Variants in TMEM132D observed in about 807,000 individuals in gnomAD.
TMEM132D encodes the protein mature OL transmembrane protein.
A neutral mutation model predicts 62.3 loss-of-function variants in TMEM132D; 21 were observed. The observed-to-expected ratio is 0.34, with a 90% CI of 0.24 to 0.49. The LOEUF is 0.49. TMEM132D is among the 20% of genes least tolerant of loss of function. The pLI, the probability that TMEM132D is intolerant of heterozygous loss-of-function variation, is 0.99. For synonymous variants in TMEM132D, 621 were observed against 575.6 expected (o/e 1.08, Z -1.13); for missense variants, 1,346 against 1,402.8 (o/e 0.96, Z 0.65).
At chr12:129,897,401 A>C (rs1198728289) in intron 1 of TMEM132D, among the ~76,000 whole-genome samples, 1 of 151,984 alleles carries the variant, frequency 6.6e-6, no homozygotes, top group Non-Finnish European at 1.5e-5. Context: ...TGTCACCTAC[A>C]CTTTTGGTCC....
chr12:129,546,327 C>T (rs1001146163), intron 2 of TMEM132D, among the ~76,000 whole-genome samples: 1 of 152,074 alleles, frequency 6.6e-6, no homozygotes, highest in African/African-American at 2.4e-5. Flanking sequence ...TTCCTGAAAC[C>T]CTGTTGCTAA....
chr12:129,587,488 A>G (rs1484003), intron 2 of TMEM132D, among the ~76,000 whole-genome samples: 30,819 of 151,988 alleles, frequency 0.2, 3,312 homozygotes, highest in African/African-American at 0.25. Flanking sequence ...ACAAACCCCC[A>G]TGACACGAGT....
intron 2 of TMEM132D, among the ~76,000 whole-genome samples, chr12:129,672,984 G>T (rs920310064): frequency 6.6e-6 from 1 of 152,178 alleles, no homozygotes; most frequent in Admixed American, 6.5e-5. Flanking sequence ...CTGACCTCAG[G>T]TGATCTGCCC....
At chr12:129,526,815 A>C (rs1876058451) in intron 3 of TMEM132D, among the ~76,000 whole-genome samples, 1 of 152,214 alleles carries the variant, frequency 6.6e-6, no homozygotes, top group Admixed American at 6.5e-5. Context: ...ATGCTGATGC[A>C]ATGACAGACA....
intron 2 of TMEM132D, among the ~76,000 whole-genome samples, chr12:129,540,767 G>A (rs1876562922): frequency 1.3e-5 from 2 of 152,188 alleles, no homozygotes; most frequent in African/African-American, 2.4e-5. Context: ...CGAGATTACA[G>A]GTGTGAGCCA....
At chr12:129,448,884 C>A (rs1873184939) in intron 3 of TMEM132D, among the ~76,000 whole-genome samples, 1 of 152,148 alleles carries the variant, frequency 6.6e-6, no homozygotes, top group South Asian at 2.1e-4. Flanking sequence ...TACTAGTTGT[C>A]CCAATGCCAG....
intron 5 of TMEM132D, among the ~76,000 whole-genome samples, chr12:129,141,057 A>G (rs1321792804): frequency 6.6e-6 from 1 of 152,204 alleles, no homozygotes; most frequent in Non-Finnish European, 1.5e-5. Context: ...TGCACACACT[A>G]TAGATGATCC....
chr12:129,165,679 TC>T (rs1751095808), intron 5 of TMEM132D, among the ~76,000 whole-genome samples: 1 of 107,372 alleles, frequency 9.3e-6, no homozygotes, highest in African/African-American at 2.7e-5. Flanking sequence ...AAACATTTCT[TC>T]TTTTTTTTTT....
intron 5 of TMEM132D, among the ~76,000 whole-genome samples, chr12:129,087,854 C>T (rs1484820553): frequency 4.0e-5 from 6 of 149,388 alleles, no homozygotes; most frequent in Non-Finnish European, 7.4e-5. Flanking sequence ...CGCAGAGCCC[C>T]GGGGTGTCCT....
intron 2 of TMEM132D, 93 bp downstream of exon 2, chr12:129,699,717 T>C: frequency 1.3e-6 from 2 of 1,489,928 alleles, no homozygotes; most frequent in South Asian, 2.6e-5. Flanking sequence ...TCTACTTCGG[T>C]GAGCGATAAC....
chr12:129,625,556 T>A (rs1186893126), intron 2 of TMEM132D, among the ~76,000 whole-genome samples: 1 of 152,206 alleles, frequency 6.6e-6, no homozygotes, highest in Non-Finnish European at 1.5e-5. Flanking sequence ...CGAGACACTT[T>A]CATTGCTCTA....
chr12:129,669,781 C>T (rs1173296314), intron 2 of TMEM132D, among the ~76,000 whole-genome samples: 1 of 152,042 alleles, frequency 6.6e-6, no homozygotes, highest in African/African-American at 2.4e-5. Context: ...CATCCTAGGA[C>T]TCATTATTTC....
At chr12:129,453,205 T>C (rs967602410) in intron 3 of TMEM132D, among the ~76,000 whole-genome samples, 1 of 152,200 alleles carries the variant, frequency 6.6e-6, no homozygotes, top group Non-Finnish European at 1.5e-5. Context: ...GGAAAAATTG[T>C]CTTCCAGGAA....
intron 5 of TMEM132D, among the ~76,000 whole-genome samples, chr12:129,196,483 T>C (rs979409564): frequency 6.6e-6 from 1 of 152,216 alleles, no homozygotes; most frequent in African/African-American, 2.4e-5. Context: ...ATGTGGTTTC[T>C]TTCTAGGTCT....
intron 1 of TMEM132D, among the ~76,000 whole-genome samples, chr12:129,813,957 C>G (rs1475860539): frequency 6.6e-6 from 1 of 151,970 alleles, no homozygotes; most frequent in Non-Finnish European, 1.5e-5. Context: ...AAATACAATA[C>G]CAATGAACAG....
intron 3 of TMEM132D, among the ~76,000 whole-genome samples, chr12:129,440,416 A>G (rs1465625037): frequency 6.6e-6 from 1 of 152,198 alleles, no homozygotes; most frequent in African/African-American, 2.4e-5. Flanking sequence ...AAAGACGGCC[A>G]TTCTGTGACT....
intron 2 of TMEM132D, among the ~76,000 whole-genome samples, chr12:129,697,902 TACACAC>T (rs36080799): frequency 7.0e-6 from 1 of 143,772 alleles, no homozygotes; most frequent in Admixed American, 6.9e-5. Flanking sequence ...CATCACTGCT[TACACAC>T]ACACACACAC....
At chr12:129,163,450 A>G (rs912255279) in intron 5 of TMEM132D, among the ~76,000 whole-genome samples, 5 of 152,084 alleles carry the variant, frequency 3.3e-5, no homozygotes, top group African/African-American at 1.2e-4. Context: ...GAATCACCAG[A>G]TCCTCTCTTC....
At chr12:129,191,858 T>C (rs1019461201) in intron 5 of TMEM132D, among the ~76,000 whole-genome samples, 1 of 152,234 alleles carries the variant, frequency 6.6e-6, no homozygotes, top group Non-Finnish European at 1.5e-5. Flanking sequence ...TTTTTGTTAC[T>C]GCTTAATCTC....
Sources: gnomAD v4.1 joint callset for allele counts (sites outside exome capture counted in the v4.1 genomes callset) on GRCh38, gnomAD v4.1.1 for gene constraint, MANE v1.5 for transcripts, NCBI Gene and HGNC (gene_info 2026-07-23, HGNC 2026-07-21) for gene names.